The following MXRA5 variants were observed in gnomAD, a reference collection of about 807,000 sequenced individuals.
The protein encoded by MXRA5 is matrix remodeling associated 5, also known as matrix-remodeling-associated protein 5.
Under a neutral mutation model 112.5 loss-of-function variants are expected in MXRA5, and 41 were observed. The observed-to-expected ratio is 0.36, with a 90% CI of 0.28 to 0.47. The LOEUF (loss-of-function observed/expected upper bound fraction) is 0.47, where lower values mean the gene tolerates loss of function less well. Ranked by LOEUF, MXRA5 falls within the 20% of genes least tolerant of loss-of-function variation. The pLI, the probability that MXRA5 is intolerant of heterozygous loss-of-function variation, is 0.99. For synonymous variants in MXRA5, 862 were observed against 900.8 expected, an observed-to-expected ratio of 0.96 and a Z score of 0.77; for missense variants, 2,150 against 2,251.0, an observed-to-expected ratio of 0.96 and a Z score of 0.91.
intron 2 of MXRA5, 132 bp from the exon 3 acceptor site, chrX:3,330,905 CTATT>C: frequency 2.9e-5 from 12 of 414,123 alleles, no homozygotes; most frequent in South Asian, 6.8e-5. Context: ...GTCTTTTTGT[CTATT>C]TATTTATTTA....
intron 2 of MXRA5, among the ~76,000 whole-genome samples, chrX:3,338,703 TAGGC>T (rs1921839505): frequency 9.0e-6 from 1 of 110,891 alleles, no homozygotes; most frequent in African/African-American, 3.3e-5. Flanking sequence ...AGGTAGGTGA[TAGGC>T]AGACAGATGA....
At chrX:3,319,220 C>T (rs147555788) in intron 5 of MXRA5, among the ~76,000 whole-genome samples, 1,192 of 112,262 alleles carry the variant, frequency 0.011, 23 homozygotes, top group African/African-American at 0.037. Flanking sequence ...CACACACATA[C>T]GAAATAAGTA....
In MXRA5 at chrX:3,323,314, G is replaced by C. The variant is rs756893962; in HGVS notation, c.2371C>G (p.Arg791Gly). 1.6e-5 allele frequency: 19 copies of C among 1,209,691 alleles called. No individual in the cohort carries two copies. In the South Asian group the frequency reaches 3.2e-4, roughly 20 times the overall value. Residue 791 changes from arginine (R) to glycine (G), a missense_variant, in exon 5 of 7, where the codon CGT becomes GGT. By Grantham distance (125) the Arg-to-Gly change is moderately radical. This residue lies in a region of MXRA5 where 1,485 missense variants were observed against 1,471.6 expected (regional missense o/e 1.01). Coordinates refer to ENST00000217939, the MANE Select transcript of MXRA5 (RefSeq NM_015419.4). ...GTGCCCTTAGGGAGATTTTTCCCAC[G>C]GACTTTGGCTAAAATATCAGCCCAG... Reference protein sequence around the residue: ...ERWADILAKVRGKNLPKGTEV... With the variant: ...ERWADILAKVGGKNLPKGTEV...
intron 6 of MXRA5, among the ~76,000 whole-genome samples, chrX:3,312,740 T>C (rs979020408): frequency 9.1e-6 from 1 of 109,833 alleles, no homozygotes; most frequent in African/African-American, 3.3e-5. Flanking sequence ...GTTTTTTTTA[T>C]TTTTTATTTT....
At chrX:3,318,330 A>G (rs1184487475) in intron 5 of MXRA5, among the ~76,000 whole-genome samples, 2 of 110,456 alleles carry the variant, frequency 1.8e-5, no homozygotes, top group Non-Finnish European at 3.8e-5. Context: ...TGTTTTTTGT[A>G]GAGACATGGT....
intron 5 of MXRA5, among the ~76,000 whole-genome samples, chrX:3,318,942 T>G (rs1198123621): frequency 3.6e-5 from 4 of 111,141 alleles, no homozygotes; most frequent in African/African-American, 1.3e-4. Flanking sequence ...TTAGATTAAG[T>G]GAAATAAACC....
rs377250488 is a variant in MXRA5 at position 3,324,070 on chromosome X, A to G, written c.1615T>C (p.Trp539Arg). Residue 539 changes from tryptophan to arginine, a missense_variant, in exon 5 of 7, where the codon TGG (tryptophan) becomes CGG (arginine). Coordinates refer to ENST00000217939, the MANE Select transcript of MXRA5 (RefSeq NM_015419.4). ...GGCTCCATGGACTTGATCCTCAGCC[A>G]GCCACTGCTGAGAATGGAGAACTTG... The part of the protein sequence containing the change: ...DSKFSILSSG[W>R]LRIKSMEPSD... 24 of 1,203,940 alleles carry G rather than the reference A, an allele frequency of 2.0e-5. No individual in the cohort carries two copies. In the African/African-American group the frequency reaches 3.5e-4, roughly 18 times the overall value.
At chrX:3,328,709 T>C (rs1163353780) in intron 4 of MXRA5, among the ~76,000 whole-genome samples, 2 of 104,005 alleles carry the variant, frequency 1.9e-5, no homozygotes, top group Non-Finnish European at 3.9e-5. Context: ...CAATGCAATC[T>C]AAGGATGGGG....
chrX:3,316,196 C>T (rs1395036703), intron 6 of MXRA5, among the ~76,000 whole-genome samples: 1 of 82,200 alleles, frequency 1.2e-5, no homozygotes, highest in Non-Finnish European at 2.3e-5. Context: ...CGCCTGTAGT[C>T]CCAGCTACAC....
chrX:3,312,566 T>C (rs1921003517), intron 6 of MXRA5, among the ~76,000 whole-genome samples: 1 of 108,235 alleles, frequency 9.2e-6, no homozygotes, highest in South Asian at 4.1e-4. Context: ...CTTTCTTTTT[T>C]TTTTTTTTTT....
At chrX:3,315,150 G>A (rs372021957) in intron 6 of MXRA5, among the ~76,000 whole-genome samples, 1 of 104,688 alleles carries the variant, frequency 9.6e-6, no homozygotes, top group East Asian at 3.1e-4. Flanking sequence ...GCAGCATCCC[G>A]GGGCTGCAGC....
intron 6 of MXRA5, among the ~76,000 whole-genome samples, chrX:3,311,970 T>C (rs757718439): frequency 2.0e-4 from 22 of 112,475 alleles, no homozygotes; most frequent in East Asian, 2.0e-3. Context: ...TCAGATAAAA[T>C]GCTACAGTCA....
rs140758671 is a variant in MXRA5, at chrX:3,317,566, G to A, written c.6115C>T (p.Arg2039Cys). Reference protein sequence around the residue: ...NAAGADSLAIRLHVAALPPVI... With the variant: ...NAAGADSLAICLHVAALPPVI... ...GGGGGCAGTGCCGCCACGTGCAGGC[G>A]GATGGCCAGGCTGTCCGCCCCGGCT... Residue 2039 changes from arginine (R) to cysteine (C), a missense_variant, in exon 6 of 7, where the codon CGC becomes TGC. Arg to Cys is a radical substitution (Grantham distance 180). Transcript: ENST00000217939. 1.6e-4 allele frequency: 189 copies of A among 1,209,012 alleles called. No individual in the cohort carries two copies. The highest frequency in any genetic ancestry group is 1.9e-4 in the Non-Finnish European group (169 of 894,920).
Position 3,323,332 on chromosome X carries a change from C to A in MXRA5, c.2353G>T (p.Asp785Tyr), listed in dbSNP as rs760375645. The change falls in exon 5 of 7, where the codon GAT becomes TAT. Residue 785 changes from aspartate to tyrosine, a missense_variant. Coordinates refer to ENST00000217939, the MANE Select transcript of MXRA5 (RefSeq NM_015419.4). ...TTCCCACGGACTTTGGCTAAAATAT[C>A]AGCCCAGCGCTCCGGATTAATCTGT... ...NKQINPERWA[D>Y]ILAKVRGKNL... 2 of 1,209,836 alleles carry A rather than the reference C, an allele frequency of 1.7e-6. No individual in the cohort carries two copies. Among genetic ancestry groups the A allele is most frequent in the African/African-American group, 3.5e-5 (2 of 57,131 alleles).
At chrX:3,343,600 C>A (rs1335291948) in intron 2 of MXRA5, 46 bp downstream of exon 2, 4 of 1,134,551 alleles carry the variant, frequency 3.5e-6, no homozygotes, top group Non-Finnish European at 3.6e-6. Context: ...CAGATCAAGA[C>A]GCACGCACTG....
Position 3,324,249 on chromosome X carries a change from A to G in MXRA5, c.1436T>C (p.Ile479Thr), listed in dbSNP as rs139103590. 87 of 1,209,720 alleles carry G rather than the reference A, an allele frequency of 7.2e-5. No individual in the cohort carries two copies. The highest frequency in any genetic ancestry group is 1.3e-4 in the Admixed American group (6 of 45,681). ...TCTTTGCACAGCTCCACTAGGCTCA[A>G]TCATTACCCAGCTTCTGCCCCGAGC... is the stretch of plus-strand genomic sequence containing the variant. ...RQARGRSWVM[I>T]EPSGAVQRDQ... The change falls in exon 5 of 7, where the codon ATT (isoleucine) becomes ACT (threonine). Residue 479 changes from isoleucine to threonine, a missense_variant. Physicochemically the swap from Ile to Thr is moderately conservative, Grantham distance 89. Transcript: ENST00000217939.
At chrX:3,315,398 T>TG (rs1569181372) in intron 6 of MXRA5, among the ~76,000 whole-genome samples, 4 of 32,690 alleles carry the variant, frequency 1.2e-4, no homozygotes, top group African/African-American at 4.0e-4. Flanking sequence ...AGATGATAGA[T>TG]AGATAGATAG....
At chrX:3,325,006 T>C (rs759074032) in intron 4 of MXRA5, 31 bp from the exon 5 acceptor site, 6 of 1,135,524 alleles carry the variant, frequency 5.3e-6, no homozygotes, top group Admixed American at 5.3e-5. Context: ...GACAATAGGG[T>C]AAGGAGCCAA....
rs769897666 is a variant in MXRA5, at chrX:3,317,147, G to T, written c.6534C>A (p.Ile2178=). The T allele has an allele frequency of 8.4e-6, 10 of 1,197,386 alleles. No individual in the cohort carries two copies. The highest frequency in any genetic ancestry group is 1.1e-5 in the Non-Finnish European group (10 of 888,266). ...CSASGDPWPR[I]LWRLPSKRMI... is the part of the protein sequence containing the mutation. ...TCCTCTTGGACGGCAGCCTCCAGAG[G>T]ATGCGCGGCCAGGGGTCCCCCGAGG... Residue 2178 remains isoleucine (I), a synonymous_variant, in exon 6 of 7, where the codon ATC becomes ATA. Transcript: ENST00000217939.
Sources: allele counts gnomAD v4.1 joint callset (sites outside exome capture counted in the v4.1 genomes callset), GRCh38; gene constraint gnomAD v4.1.1; regional missense constraint gnomAD v4.1.1; transcripts MANE v1.5; gene names NCBI Gene and HGNC (gene_info 2026-07-23, HGNC 2026-07-21).